The following BLACAT1 variants were observed in gnomAD, a reference collection of about 807,000 sequenced individuals.
BLACAT1 encodes bladder cancer associated transcript 1.
chr1:205,448,439 C>T lies in BLACAT1; in HGVS notation c.-36-7377G>A. On this transcript the variant is annotated intron_variant, in intron 1 of 1. Coordinates refer to ENST00000629624, the Ensembl canonical transcript of BLACAT1. This position sits in a 1 kb window ranked among gnomAD's most constrained non-coding sequence, Gnocchi z 4.7. ...AGGAATCTCATAGGGAAGCGAGAAG[C>T]TGGGGCACCCGAGAAGCCCTCACTC... 1 of 531,468 alleles carries T rather than the reference C, an allele frequency of 1.9e-6. No individual in the cohort carries two copies. Among genetic ancestry groups the T allele is most frequent in the Admixed American group, 1.9e-5 (1 of 51,290 alleles). The allele number at this position is 531,468 out of a possible 1,614,324, so 32.9% of individuals were successfully genotyped here.
At chr1:205,444,950 T>C (rs1666358331) in intron 1 of BLACAT1, among the ~76,000 whole-genome samples, 1 of 143,200 alleles carries the variant, frequency 7.0e-6, no homozygotes, top group Non-Finnish European at 1.5e-5. Flanking sequence ...GGGTGTGCCC[T>C]CGACGCCTCT....
intron 1 of BLACAT1, among the ~76,000 whole-genome samples, chr1:205,452,198 A>G (rs910516840): frequency 6.6e-6 from 1 of 152,194 alleles, no homozygotes; most frequent in Non-Finnish European, 1.5e-5. Flanking sequence ...AGCCTGTTTC[A>G]CTGGGGAGCA....
At chr1:205,440,453 C>T (rs947809100) in exon 2 of BLACAT1, among the ~76,000 whole-genome samples, 2 of 152,226 alleles carry the variant, frequency 1.3e-5, no homozygotes, top group African/African-American at 2.4e-5. Flanking sequence ...GAGTCTCACA[C>T]TTCCGCCCTG....
chr1:205,450,435 C>T lies in BLACAT1; in HGVS notation c.-37+5482G>A, dbSNP rs1666480386. The stretch of plus-strand genomic sequence containing the variant: ...ACCTGAGACGGCTCCCTGCAGGCCC[C>T]CCTCTCCTGCCTGGCCCCCCTCCCC... On this transcript the variant is annotated intron_variant, in intron 1 of 1. Transcript: ENST00000629624. This position sits in a 1 kb window ranked among gnomAD's most constrained non-coding sequence, Gnocchi z 4.4. 6.6e-6 allele frequency among the ~76,000 whole-genome samples: 1 copy of T among 151,130 alleles called. No individual in the cohort carries two copies. The highest frequency in any genetic ancestry group is 2.4e-5 in the African/African-American group (1 of 41,036).
At chr1:205,453,689 G>A (rs528215534) in intron 1 of BLACAT1, among the ~76,000 whole-genome samples, 1 of 152,162 alleles carries the variant, frequency 6.6e-6, no homozygotes, top group Admixed American at 6.5e-5. Flanking sequence ...GGGAGTCTCC[G>A]CAGCCTGGGT....
rs573143062 is a variant in BLACAT1, at chr1:205,448,990, C to A, written c.-37+6927G>T. Among the ~76,000 whole-genome samples the A allele has an allele frequency of 1.3e-5, 2 of 152,236 alleles. No homozygotes were observed. The highest frequency in any genetic ancestry group is 4.2e-4 in the South Asian group (2 of 4,814). On this transcript the variant is annotated intron_variant, in intron 1 of 1. Coordinates refer to ENST00000629624, the Ensembl canonical transcript of BLACAT1. This position sits in a 1 kb window ranked among gnomAD's most constrained non-coding sequence, Gnocchi z 4.7. ...CCAGACCAGTCTGGGTGGTTACCGA[C>A]AACACCCATTCTTGCATAGTTTAGA...
intron 1 of BLACAT1, among the ~76,000 whole-genome samples, chr1:205,451,490 G>A (rs531603864): frequency 4.6e-5 from 7 of 152,264 alleles, no homozygotes; most frequent in South Asian, 4.2e-4. Context: ...ACAGCCACCC[G>A]CCCTGCTTGC....
At chr1:205,445,116 G>T (rs926168765) in intron 1 of BLACAT1, among the ~76,000 whole-genome samples, 1 of 152,146 alleles carries the variant, frequency 6.6e-6, no homozygotes, top group South Asian at 2.1e-4. Flanking sequence ...TAGCTCGGGC[G>T]GTGGAGCAGA....
rs1666295717 is a variant in BLACAT1, at chr1:205,441,669, G to A, written c.-36-607C>T. On this transcript the variant is annotated intron_variant, in intron 1 of 1. Transcript: ENST00000629624. The surrounding 1 kb of genome is among the most constrained non-coding windows in gnomAD (Gnocchi z 4.3). ...CCTTCCTTTGACTGCTCAGGGCAAT[G>A]CAAATCCCATCCTCACCATGCAGAG... Among the ~76,000 whole-genome samples, 2 of 152,202 alleles carry A rather than the reference G, an allele frequency of 1.3e-5. No homozygotes were observed. Among genetic ancestry groups the A allele is most frequent in the African/African-American group, 4.8e-5 (2 of 41,460 alleles).
In BLACAT1 at chr1:205,450,896, C is replaced by T; in HGVS notation, c.-37+5021G>A. Among the ~76,000 whole-genome samples the T allele has an allele frequency of 6.6e-6, 1 of 152,184 alleles. No individual in the cohort carries two copies. Among genetic ancestry groups the T allele is most frequent in the East Asian group, 1.9e-4 (1 of 5,200 alleles). On this transcript the variant is annotated intron_variant, in intron 1 of 1. Coordinates refer to ENST00000629624, the Ensembl canonical transcript of BLACAT1. This position sits in a 1 kb window ranked among gnomAD's most constrained non-coding sequence, Gnocchi z 4.4. ...GCCTCACCTCCTTTCCCGAGGAAAA[C>T]CCTGCTTCCTCCAATCCCGAGAACC... is the stretch of plus-strand genomic sequence containing the variant.
intron 1 of BLACAT1, among the ~76,000 whole-genome samples, chr1:205,453,666 G>T (rs1016057444): frequency 2.6e-5 from 4 of 151,998 alleles, no homozygotes; most frequent in African/African-American, 9.7e-5. Context: ...GAGCAAACAC[G>T]GGCAGAAGCT....
exon 2 of BLACAT1, among the ~76,000 whole-genome samples, chr1:205,439,956 T>C (rs1666265829): frequency 6.6e-6 from 1 of 151,136 alleles, no homozygotes. Context: ...AGCTGGAAGG[T>C]TGGCGGGGGT....
At chr1:205,449,638 A>G (rs371374897) in intron 1 of BLACAT1, among the ~76,000 whole-genome samples, 3 of 152,226 alleles carry the variant, frequency 2.0e-5, no homozygotes, top group East Asian at 1.9e-4. Context: ...CACTCCAGAC[A>G]TGCCCAACCT....
chr1:205,452,117 CCCT>C (rs1035272646), intron 1 of BLACAT1, among the ~76,000 whole-genome samples: 6 of 152,140 alleles, frequency 3.9e-5, no homozygotes, highest in African/African-American at 1.4e-4. Context: ...GTGTGCCCTC[CCCT>C]CCTCTGTAGT....
chr1:205,435,127 T>A (rs1449614977), downstream of BLACAT1: 2 of 152,228 alleles, frequency 1.3e-5, no homozygotes, highest in African/African-American at 2.4e-5. Flanking sequence ...TGATATAGAT[T>A]GCTACTTTAC....
At chr1:205,447,260 C>T (rs2102474300) in intron 1 of BLACAT1, among the ~76,000 whole-genome samples, 1 of 152,342 alleles carries the variant, frequency 6.6e-6, no homozygotes, top group East Asian at 1.9e-4. Flanking sequence ...GTTAAATAGG[C>T]TAACAGTAGA....
chr1:205,446,244 A>G (rs995686118), intron 1 of BLACAT1, among the ~76,000 whole-genome samples: 1 of 152,226 alleles, frequency 6.6e-6, no homozygotes, highest in African/African-American at 2.4e-5. Context: ...GAGACAAAGA[A>G]TAGAATGGAG....
intron 1 of BLACAT1, among the ~76,000 whole-genome samples, chr1:205,455,138 C>G (rs921280158): frequency 3.3e-5 from 5 of 152,164 alleles, no homozygotes; most frequent in African/African-American, 1.2e-4. Flanking sequence ...CCTTCCTGGG[C>G]CCCTACCCGG....
rs949928824 is a variant in BLACAT1, at chr1:205,450,695, G to A, written c.-37+5222C>T. Reference sequence around the variant, plus strand: ...ACATGAAGGGCTCAGCCCCTGGCCTGCCTACCAATCCCAGCCCACCTGACA... The same window carrying A: ...ACATGAAGGGCTCAGCCCCTGGCCTACCTACCAATCCCAGCCCACCTGACA... On this transcript the variant is annotated intron_variant, in intron 1 of 1. Transcript: ENST00000629624. The surrounding 1 kb of genome is among the most constrained non-coding windows in gnomAD (Gnocchi z 4.4). 6.6e-6 allele frequency among the ~76,000 whole-genome samples: 1 copy of A among 152,184 alleles called. No individual in the cohort carries two copies. Among genetic ancestry groups the A allele is most frequent in the Non-Finnish European group, 1.5e-5 (1 of 68,034 alleles).
Sources: gnomAD v4.1 joint callset for allele counts (sites outside exome capture counted in the v4.1 genomes callset) on GRCh38, gnomAD v4.1.1 for gene constraint, Gnocchi (gnomAD v3.1) non-coding constraint, MANE v1.5 for transcripts, NCBI Gene and HGNC (gene_info 2026-07-23, HGNC 2026-07-21) for gene names.